ALPI: variants seen among roughly 807,000 people sequenced by gnomAD.
ALPI encodes alkaline phosphatase, intestinal.
In ALPI, 50 loss-of-function variants were observed where a neutral mutation model predicts 51.5. The observed-to-expected ratio is 0.97, with a 90% CI of 0.77 to 1.23. The LOEUF (loss-of-function observed/expected upper bound fraction) is 1.23, where lower values mean the gene tolerates loss of function less well. Among genes scored for constraint, ALPI ranks in the 50% most tolerant of loss-of-function variants. ALPI has a pLI of 0.00. For missense variants in ALPI, 692 were observed against 722.4 expected (o/e 0.96, Z 0.48); for synonymous variants, 322 against 308.2 (o/e 1.04, Z -0.47).
rs937914640 is a variant in ALPI, at chr2:232,456,338, C to T, written c.68-11C>T. ...CCAGGCTGACCTGATCTCTACTCTC[C>T]CCCTGGCCAGCTGAGGAGGAGAACC... On this transcript the variant is annotated splice_polypyrimidine_tract_variant and intron_variant, in intron 1 of 10. Transcript: ENST00000295463. The surrounding 1 kb of genome is among the most constrained non-coding windows in gnomAD (Gnocchi z 4.2). 6 of 1,614,018 alleles carry T rather than the reference C, an allele frequency of 3.7e-6. No homozygotes were observed. In the Admixed American group the frequency reaches 6.7e-5, roughly 18 times the overall value.
Position 232,458,233 on chromosome 2 carries a change from T to C in ALPI, c.1008T>C (p.His336=), listed in dbSNP as rs778821321. The change falls in exon 9 of 11, where the codon CAT becomes CAC. Residue 336 remains histidine, a synonymous_variant. Coordinates refer to ENST00000295463, the MANE Select transcript of ALPI (RefSeq NM_001631.5). ...YLFVEGGRID[H]GHHEGVAYQA... ...TTCCTGCAGGCGGCCGCATCGACCA[T>C]GGTCATCATGAGGGTGTGGCTTACC... The C allele has an allele frequency of 1.9e-6, 3 of 1,614,038 alleles. No individual in the cohort carries two copies. The South Asian group carries it at 3.3e-5, about 18-fold the overall frequency.
chr2:232,458,341 C>A lies in ALPI; in HGVS notation c.1116C>A (p.Leu372=), dbSNP rs758958271. 1 of 1,614,024 alleles carries A rather than the reference C, an allele frequency of 6.2e-7. No individual in the cohort carries two copies. The highest frequency in any genetic ancestry group is 1.1e-5 in the South Asian group (1 of 91,082). ...CCAGCGAGGAGGACACGCTGACCCT[C>A]GTCACCGCTGACCACTCCCATGTCT... ...QLTSEEDTLT[L]VTADHSHVFS... Residue 372 remains leucine, a synonymous_variant, in exon 9 of 11, where the codon CTC becomes CTA. Coordinates refer to ENST00000295463, the MANE Select transcript of ALPI (RefSeq NM_001631.5).
rs538746770 is a variant in ALPI at position 232,457,397 on chromosome 2, G to T, written c.648+75G>T. 6.4e-7 allele frequency: 1 copy of T among 1,557,582 alleles called. No individual in the cohort carries two copies. The highest frequency in any genetic ancestry group is 8.7e-7 in the Non-Finnish European group (1 of 1,152,586). On this transcript the variant is annotated intron_variant, in intron 5 of 10. Coordinates refer to ENST00000295463, the MANE Select transcript of ALPI (RefSeq NM_001631.5). This position sits in a 1 kb window ranked among gnomAD's most constrained non-coding sequence, Gnocchi z 4.7. ...CAGGCTCAGATCCAGGCAACCAAAAGCCTGATCTGGGTCAGCAGGTTCTGG... is the reference window on the plus strand; with the variant it reads ...CAGGCTCAGATCCAGGCAACCAAAATCCTGATCTGGGTCAGCAGGTTCTGG...
rs1251393134 is a variant in ALPI, at chr2:232,456,521, C to T, written c.184+56C>T. ...GTCCTCACAGCCCCGGCACCCGGGA[C>T]CTTCAGTGGTTCCAGGACAACCCTG... On this transcript the variant is annotated intron_variant, in intron 2 of 10. Transcript: ENST00000295463. The surrounding 1 kb of genome is among the most constrained non-coding windows in gnomAD (Gnocchi z 4.2). The T allele has an allele frequency of 5.6e-6, 9 of 1,611,106 alleles. No homozygotes were observed. Among genetic ancestry groups the T allele is most frequent in the Admixed American group, 5.0e-5 (3 of 59,868 alleles).
At chr2:232,458,182 G>T (rs531795500) in intron 8 of ALPI, 35 bp from the exon 9 acceptor site, 3 of 1,613,722 alleles carry the variant, frequency 1.9e-6, no homozygotes, top group Non-Finnish European at 2.5e-6. Flanking sequence ...CGGCAGGGCA[G>T]GTTCAAGCAT....
rs1200069286 is a variant in ALPI at position 232,458,702 on chromosome 2, C to T, written c.1254C>T (p.Tyr418=). ...TCCTGTACGGCAATGGCCCGGGCTACGTGTTCAACTCAGGCGTGCGACCAG... is the reference window on the plus strand; with the variant it reads ...TCCTGTACGGCAATGGCCCGGGCTATGTGTTCAACTCAGGCGTGCGACCAG... ...TSILYGNGPG[Y]VFNSGVRPDV... Residue 418 remains tyrosine, a synonymous_variant, in exon 10 of 11, where the codon TAC becomes TAT. Coordinates refer to ENST00000295463, the MANE Select transcript of ALPI (RefSeq NM_001631.5). 4.3e-6 allele frequency: 7 copies of T among 1,613,868 alleles called. No individual in the cohort carries two copies. Among genetic ancestry groups the T allele is most frequent in the East Asian group, 2.2e-5 (1 of 44,880 alleles).
Position 232,456,964 on chromosome 2 carries a change from C to A in ALPI, c.366C>A (p.Val122=). The change falls in exon 4 of 11, where the codon GTC becomes GTA. Residue 122 remains valine, a synonymous_variant. Coordinates refer to ENST00000295463, the MANE Select transcript of ALPI (RefSeq NM_001631.5). This position sits in a 1 kb window ranked among gnomAD's most constrained non-coding sequence, Gnocchi z 4.2. ...AATATAYLCG[V]KANFQTIGLS... ...CAGCCACGGCCTACCTGTGCGGGGT[C>A]AAGGCCAACTTCCAGACCATCGGCT... is the stretch of plus-strand genomic sequence containing the variant. The A allele has an allele frequency of 1.2e-6, 2 of 1,613,770 alleles. No homozygotes were observed. Among genetic ancestry groups the A allele is most frequent in the Non-Finnish European group, 1.7e-6 (2 of 1,180,034 alleles).
Position 232,457,422 on chromosome 2 carries a change from G to T in ALPI, c.648+100G>T. ...GCCTGATCTGGGTCAGCAGGTTCTG[G>T]AGGTGGAGTTGGGGATGTAGAATGT... On this transcript the variant is annotated intron_variant, in intron 5 of 10. Transcript: ENST00000295463. This position sits in a 1 kb window ranked among gnomAD's most constrained non-coding sequence, Gnocchi z 4.7. 1 of 1,549,956 alleles carries T rather than the reference G, an allele frequency of 6.5e-7. No homozygotes were observed. Among genetic ancestry groups the T allele is most frequent in the Non-Finnish European group, 8.7e-7 (1 of 1,149,324 alleles).
At position 232,457,877 on chromosome 2, in the gene ALPI, C is replaced by G. The variant is rs1446709273; in HGVS notation, c.856+10C>G. 1 of 1,613,758 alleles carries G rather than the reference C, an allele frequency of 6.2e-7. No individual in the cohort carries two copies. Among genetic ancestry groups the G allele is most frequent in the Non-Finnish European group, 8.5e-7 (1 of 1,179,818 alleles). On this transcript the variant is annotated intron_variant, in intron 7 of 10. Coordinates refer to ENST00000295463, the MANE Select transcript of ALPI (RefSeq NM_001631.5). This position sits in a 1 kb window ranked among gnomAD's most constrained non-coding sequence, Gnocchi z 4.7. ...GTGACCCATCTCATGGGTAATGACC[C>G]CCTTCCTGCCCTGGCATTCCTCAGA...
Position 232,458,389 on chromosome 2 carries a change from G to T in ALPI, c.1164G>T (p.Leu388Phe), listed in dbSNP as rs772547680. The change falls in exon 9 of 11, where the codon TTG becomes TTT. Residue 388 changes from leucine (L) to phenylalanine (F), a missense_variant. Leu to Phe is a conservative substitution (Grantham distance 22). Coordinates refer to ENST00000295463, the MANE Select transcript of ALPI (RefSeq NM_001631.5). The stretch of plus-strand genomic sequence containing the variant: ...TCTTCTCCTTTGGTGGCTACACCTT[G>T]CGAGGGAGCTCCATCTTCGGTAGGC... ...SHVFSFGGYT[L>F]RGSSIFGLAP... 49 of 1,613,416 alleles carry T rather than the reference G, an allele frequency of 3.0e-5. No homozygotes were observed. In the Admixed American group the frequency reaches 7.7e-4, roughly 25 times the overall value.
Position 232,458,200 on chromosome 2 carries a change from C to T in ALPI, c.992-17C>T, listed in dbSNP as rs374451697. ...CAGGGCAGGTTCAAGCATCACCCCC[C>T]TCTGGCCTTCCTGCAGGCGGCCGCA... On this transcript the variant is annotated splice_polypyrimidine_tract_variant and intron_variant, in intron 8 of 10. Transcript: ENST00000295463. The T allele has an allele frequency of 6.2e-7, 1 of 1,613,828 alleles. No homozygotes were observed. The highest frequency in any genetic ancestry group is 1.3e-5 in the African/African-American group (1 of 74,942).
chr2:232,458,845 T>C lies in ALPI; in HGVS notation c.1301-15T>C. The C allele has an allele frequency of 6.2e-7, 1 of 1,609,870 alleles. No homozygotes were observed. The highest frequency in any genetic ancestry group is 8.5e-7 in the Non-Finnish European group (1 of 1,178,422). On this transcript the variant is annotated splice_polypyrimidine_tract_variant and intron_variant, in intron 10 of 10. Transcript: ENST00000295463. ...GCCGCCTGCCTGCCCTGAAGTGCAC[T>C]CACCCTCCTACCAGGGAGCCCCGAT...
Position 232,458,963 on chromosome 2 carries a change from G to T in ALPI, c.1404G>T (p.Val468=). 4 of 1,594,890 alleles carry T rather than the reference G, an allele frequency of 2.5e-6. No homozygotes were observed. The highest frequency in any genetic ancestry group is 1.3e-5 in the African/African-American group (1 of 74,534). The change falls in exon 11 of 11, where the codon GTG becomes GTT. Residue 468 remains valine, a synonymous_variant. Coordinates refer to ENST00000295463, the MANE Select transcript of ALPI (RefSeq NM_001631.5). ...CGCGCGGCCCGCAGGCGCACCTGGT[G>T]CATGGTGTGCAGGAGCAGAGCTTCG... ...VFARGPQAHL[V]HGVQEQSFVA...
In ALPI at chr2:232,456,590, G is replaced by A. The variant is rs1386872820; in HGVS notation, c.195G>A (p.Val65=). 4 of 1,612,658 alleles carry A rather than the reference G, an allele frequency of 2.5e-6. No homozygotes were observed. The highest frequency in any genetic ancestry group is 1.1e-5 in the South Asian group (1 of 90,908). Residue 65 remains valine (V), a synonymous_variant, in exon 3 of 11, where the codon GTG becomes GTA. Transcript: ENST00000295463. This position sits in a 1 kb window ranked among gnomAD's most constrained non-coding sequence, Gnocchi z 4.2. ...LILFLGDGLG[V]PTVTATRILK... ...TTTCTGCTCCTTCAGGGTTGGGGGTGCCCACGGTGACAGCCACCAGGATCC... is the reference window on the plus strand; with the variant it reads ...TTTCTGCTCCTTCAGGGTTGGGGGTACCCACGGTGACAGCCACCAGGATCC...
chr2:232,457,477 C>T lies in ALPI; in HGVS notation c.649-88C>T. ...TACAGGCTGGGCCATTCCCACAGCCCTGGGGAGGGGAGCCAGGGGCTATGC... is the reference window on the plus strand; with the variant it reads ...TACAGGCTGGGCCATTCCCACAGCCTTGGGGAGGGGAGCCAGGGGCTATGC... On this transcript the variant is annotated intron_variant, in intron 5 of 10. Coordinates refer to ENST00000295463, the MANE Select transcript of ALPI (RefSeq NM_001631.5). This position sits in a 1 kb window ranked among gnomAD's most constrained non-coding sequence, Gnocchi z 4.7. 2 of 1,546,842 alleles carry T rather than the reference C, an allele frequency of 1.3e-6. No homozygotes were observed. Among genetic ancestry groups the T allele is most frequent in the Non-Finnish European group, 1.7e-6 (2 of 1,148,042 alleles).
rs146038441 is a variant in ALPI, at chr2:232,456,908, G to A, written c.310G>A (p.Val104Met). The A allele has an allele frequency of 3.2e-5, 52 of 1,613,402 alleles. No individual in the cohort carries two copies. The highest frequency in any genetic ancestry group is 3.3e-4 in the Middle Eastern group (2 of 6,084). Reference protein sequence around the residue: ...PYLALSKTYNVDRQVPDSAAT... With the variant: ...PYLALSKTYNMDRQVPDSAAT... The stretch of plus-strand genomic sequence containing the variant: ...GTGTCTCCGTTCGCAGACATACAAT[G>A]TGGACAGACAGGTGCCAGACAGCGC... The change falls in exon 4 of 11, where the codon GTG becomes ATG. Residue 104 changes from valine to methionine, a missense_variant. Physicochemically the swap from Val to Met is conservative, Grantham distance 21. Coordinates refer to ENST00000295463, the MANE Select transcript of ALPI (RefSeq NM_001631.5). The surrounding 1 kb of genome is among the most constrained non-coding windows in gnomAD (Gnocchi z 4.2).
rs1177689818 is a variant in ALPI at position 232,457,468 on chromosome 2, C to A, written c.649-97C>A. 1.3e-6 allele frequency: 2 copies of A among 1,542,936 alleles called. No individual in the cohort carries two copies. The highest frequency in any genetic ancestry group is 2.7e-5 in the African/African-American group (2 of 72,842). On this transcript the variant is annotated intron_variant, in intron 5 of 10. Transcript: ENST00000295463. The surrounding 1 kb of genome is among the most constrained non-coding windows in gnomAD (Gnocchi z 4.7). ...AATGTGCAATACAGGCTGGGCCATT[C>A]CCACAGCCCTGGGGAGGGGAGCCAG... is the stretch of plus-strand genomic sequence containing the variant.
Position 232,458,970 on chromosome 2 carries a change from G to A in ALPI, c.1411G>A (p.Val471Met), listed in dbSNP as rs1168080628. The change falls in exon 11 of 11, where the codon GTG becomes ATG. Residue 471 changes from valine to methionine, a missense_variant. By Grantham distance (21) the Val-to-Met change is conservative (BLOSUM62 1). Transcript: ENST00000295463. ...RGPQAHLVHG[V>M]QEQSFVAHVM... ...CCCGCAGGCGCACCTGGTGCATGGT[G>A]TGCAGGAGCAGAGCTTCGTAGCGCA... is the stretch of plus-strand genomic sequence containing the variant. The A allele has an allele frequency of 2.5e-6, 4 of 1,592,836 alleles. No homozygotes were observed. The highest frequency in any genetic ancestry group is 3.4e-6 in the Non-Finnish European group (4 of 1,170,176).
chr2:232,456,337 C>A lies in ALPI; in HGVS notation c.68-12C>A, dbSNP rs1425127087. The A allele has an allele frequency of 1.2e-6, 2 of 1,614,124 alleles. No individual in the cohort carries two copies. Among genetic ancestry groups the A allele is most frequent in the Admixed American group, 1.7e-5 (1 of 60,024 alleles). ...GCCAGGCTGACCTGATCTCTACTCTCCCCCTGGCCAGCTGAGGAGGAGAAC... is the reference window on the plus strand; with the variant it reads ...GCCAGGCTGACCTGATCTCTACTCTACCCCTGGCCAGCTGAGGAGGAGAAC... On this transcript the variant is annotated splice_polypyrimidine_tract_variant and intron_variant, in intron 1 of 10. Coordinates refer to ENST00000295463, the MANE Select transcript of ALPI (RefSeq NM_001631.5). The surrounding 1 kb of genome is among the most constrained non-coding windows in gnomAD (Gnocchi z 4.2).
Sources: allele counts gnomAD v4.1 joint callset, GRCh38; gene constraint gnomAD v4.1.1; non-coding constraint Gnocchi (gnomAD v3.1); transcripts MANE v1.5; gene names NCBI Gene and HGNC (gene_info 2026-07-23, HGNC 2026-07-21).